FAR2: variants seen among roughly 807,000 people sequenced by gnomAD.
The protein encoded by FAR2 is fatty acyl-CoA reductase 2.
In FAR2, 19 loss-of-function variants were observed where a neutral mutation model predicts 56.0. The observed-to-expected ratio is 0.34, with a 90% CI of 0.24 to 0.50. The LOEUF (loss-of-function observed/expected upper bound fraction) is 0.50. Among genes scored for constraint, FAR2 ranks in the 20% least tolerant of loss-of-function variants. The pLI, the probability that FAR2 is intolerant of heterozygous loss-of-function variation, is 0.98. For missense variants in FAR2, 508 were observed against 642.2 expected (o/e 0.79, Z 2.26); for synonymous variants, 219 against 218.8 (o/e 1.00, Z -0.01).
At chr12:29,311,854 A>T (rs754167695) in intron 7 of FAR2, 29 bp from the exon 8 acceptor site, 1 of 1,461,330 alleles carries the variant, frequency 6.8e-7, no homozygotes, top group Non-Finnish European at 9.5e-7. Context: ...ATTTTGTTGT[A>T]CTTATCTAAT....
intron 1 of FAR2, among the ~76,000 whole-genome samples, chr12:29,152,853 T>A (rs1178925599): frequency 6.6e-6 from 1 of 152,156 alleles, no homozygotes; most frequent in Non-Finnish European, 1.5e-5. Flanking sequence ...GAGGGAAGCA[T>A]AAGAGGAAAG....
intron 11 of FAR2, chr12:29,332,964 C>T (rs572329981): frequency 4.0e-5 from 23 of 568,292 alleles, no homozygotes; most frequent in South Asian, 3.5e-4. Context: ...GATTTAAACA[C>T]AGCAAATAAC....
At chr12:29,297,765 G>T (rs1448902704) in intron 4 of FAR2, among the ~76,000 whole-genome samples, 1 of 152,188 alleles carries the variant, frequency 6.6e-6, no homozygotes, top group Admixed American at 6.5e-5. Flanking sequence ...AGAACTAGAG[G>T]CTGGGGGTGG....
chr12:29,168,648 G>T (rs1183440836), intron 1 of FAR2, among the ~76,000 whole-genome samples: 1 of 152,212 alleles, frequency 6.6e-6, no homozygotes, highest in Non-Finnish European at 1.5e-5. Flanking sequence ...TCCTTCAGAT[G>T]TGTCCAGAGT....
Position 29,315,822 on chromosome 12 carries a change from G to A in FAR2, c.956-1019G>A, listed in dbSNP as rs568866873. 1.1e-3 allele frequency among the ~76,000 whole-genome samples: 174 copies of A among 152,224 alleles called. 1 individual carries two copies. Among genetic ancestry groups the A allele is most frequent in the African/African-American group, 4.1e-3 (171 of 41,524 alleles). On this transcript the variant is annotated intron_variant, in intron 8 of 11. Coordinates refer to ENST00000536681, the MANE Select transcript of FAR2 (RefSeq NM_001271783.2). ...CATTGGGAAGGGGGTGGTTGGTAGT[G>A]GGAGTATCAGGAGGCCAATTTTAGA...
intron 1 of FAR2, among the ~76,000 whole-genome samples, chr12:29,258,941 A>G (rs1404410677): frequency 6.6e-6 from 1 of 152,162 alleles, no homozygotes; most frequent in African/African-American, 2.4e-5. Context: ...CTTCATCTCC[A>G]CTTTGAATAT....
intron 10 of FAR2, among the ~76,000 whole-genome samples, chr12:29,329,393 A>C (rs1452531782): frequency 2.0e-5 from 3 of 152,216 alleles, no homozygotes; most frequent in Non-Finnish European, 1.5e-5. Context: ...TCAAAATTTT[A>C]TGAAAAAGAA....
intron 1 of FAR2, among the ~76,000 whole-genome samples, chr12:29,197,891 T>C (rs772180026): frequency 6.6e-5 from 10 of 152,162 alleles, no homozygotes; most frequent in Non-Finnish European, 1.0e-4. Context: ...ATCTCAGACT[T>C]AATATAAGAC....
intron 2 of FAR2, among the ~76,000 whole-genome samples, chr12:29,282,643 T>C (rs1477269674): frequency 1.3e-5 from 2 of 152,202 alleles, no homozygotes; most frequent in Non-Finnish European, 2.9e-5. Flanking sequence ...ATGTTACCAG[T>C]TGGCCTTTGA....
At chr12:29,246,445 G>C (rs1948129409) in intron 1 of FAR2, among the ~76,000 whole-genome samples, 2 of 152,004 alleles carry the variant, frequency 1.3e-5, no homozygotes, top group Admixed American at 6.6e-5. Context: ...GAATTCTTCT[G>C]TCTTTCCCTT....
intron 2 of FAR2, chr12:29,291,627 C>T (rs1948969420): frequency 2.9e-6 from 1 of 349,650 alleles, no homozygotes; most frequent in African/African-American, 2.2e-5. Flanking sequence ...TGGGATAGGA[C>T]CCAGGAATAT....
At chr12:29,235,272 G>T (rs564403642) in intron 1 of FAR2, among the ~76,000 whole-genome samples, 1 of 152,184 alleles carries the variant, frequency 6.6e-6, no homozygotes, top group Non-Finnish European at 1.5e-5. Context: ...GTACTAGAAT[G>T]AAAATAAAGA....
At chr12:29,180,109 C>T (rs1456619356) in intron 1 of FAR2, among the ~76,000 whole-genome samples, 1 of 152,044 alleles carries the variant, frequency 6.6e-6, no homozygotes, top group African/African-American at 2.4e-5. Flanking sequence ...GAGCCAAATT[C>T]AACAAAAACT....
intron 11 of FAR2, 46 bp from the exon 12 acceptor site, chr12:29,333,586 G>A: frequency 1.3e-6 from 2 of 1,528,282 alleles, no homozygotes; most frequent in South Asian, 2.3e-5. Flanking sequence ...TAATGTGGTT[G>A]GGTATCTGGT....
At position 29,328,455 on chromosome 12, in the gene FAR2, T is replaced by C. The variant is rs117304886; in HGVS notation, c.1258-4145T>C. On this transcript the variant is annotated intron_variant, in intron 10 of 11. Coordinates refer to ENST00000536681, the MANE Select transcript of FAR2 (RefSeq NM_001271783.2). Reference sequence around the variant, plus strand: ...ATGCTGCTATAAAGACATATGTTTATTGTGGCACTAGTCACAATGGCAAAG... The same window carrying C: ...ATGCTGCTATAAAGACATATGTTTACTGTGGCACTAGTCACAATGGCAAAG... Among the ~76,000 whole-genome samples, 46 of 152,112 alleles carry C rather than the reference T, an allele frequency of 3.0e-4. No homozygotes were observed. In the East Asian group the frequency reaches 7.6e-3, roughly 25 times the overall value.
chr12:29,252,931 C>A (rs1333438487), intron 1 of FAR2, among the ~76,000 whole-genome samples: 2 of 152,066 alleles, frequency 1.3e-5, no homozygotes, highest in African/African-American at 2.4e-5. Flanking sequence ...AATTGGTGAA[C>A]TTTGAGTGAA....
chr12:29,204,294 C>A (rs1042261444), intron 1 of FAR2, among the ~76,000 whole-genome samples: 1 of 151,944 alleles, frequency 6.6e-6, no homozygotes, highest in Non-Finnish European at 1.5e-5. Context: ...ACAGTGAAGA[C>A]ACGGCCCCTG....
intron 1 of FAR2, 69 bp from the exon 2 acceptor site, chr12:29,270,343 C>A: frequency 8.1e-7 from 1 of 1,228,516 alleles, no homozygotes; most frequent in Non-Finnish European, 1.1e-6. Flanking sequence ...GCAACAGAAA[C>A]ATTTTAAGTG....
intron 1 of FAR2, among the ~76,000 whole-genome samples, chr12:29,187,383 T>C (rs1401202833): frequency 6.6e-6 from 1 of 152,074 alleles, no homozygotes; most frequent in African/African-American, 2.4e-5. Context: ...CTGCTTGACT[T>C]TCAATTGAAA....
Sources: allele counts gnomAD v4.1 joint callset (sites outside exome capture counted in the v4.1 genomes callset), GRCh38; gene constraint gnomAD v4.1.1; transcripts MANE v1.5; gene names NCBI Gene and HGNC (gene_info 2026-07-23, HGNC 2026-07-21).